The following PLA2G4A variants were observed in gnomAD, a reference collection of about 807,000 sequenced individuals.
The protein encoded by PLA2G4A is cytosolic phospholipase A2.
PLA2G4A carries 40 observed loss-of-function variants against 81.9 expected under a neutral mutation model. The ratio of observed to expected loss-of-function variants is 0.49; its 90% CI spans 0.38 to 0.64. The LOEUF (loss-of-function observed/expected upper bound fraction) is 0.64, where lower values mean the gene tolerates loss of function less well. Among genes scored for constraint, PLA2G4A ranks in the 30% least tolerant of loss-of-function variants. The probability of loss-of-function intolerance (pLI) is 0.00; values close to 1 mark genes in which losing one functional copy is unlikely to be tolerated. For missense variants in PLA2G4A, 715 were observed against 905.1 expected, an observed-to-expected ratio of 0.79 and a Z score of 2.69; for synonymous variants, 302 against 296.9, an observed-to-expected ratio of 1.02 and a Z score of -0.18.
At chr1:186,878,768 G>A (rs989742814) in intron 3 of PLA2G4A, among the ~76,000 whole-genome samples, 23 of 151,604 alleles carry the variant, frequency 1.5e-4, no homozygotes, top group Non-Finnish European at 5.9e-5. Flanking sequence ...GTTTTAGGTC[G>A]GATGAACACA....
At chr1:186,942,958 A>T (rs1446426215) in intron 10 of PLA2G4A, among the ~76,000 whole-genome samples, 3 of 152,192 alleles carry the variant, frequency 2.0e-5, no homozygotes, top group Non-Finnish European at 4.4e-5. Flanking sequence ...CCCAGATAAG[A>T]CATCTTAAGG....
At chr1:186,908,955 T>C (rs1175070563) in intron 6 of PLA2G4A, among the ~76,000 whole-genome samples, 1 of 138,134 alleles carries the variant, frequency 7.2e-6, no homozygotes, top group Non-Finnish European at 1.5e-5. Context: ...AAGATTTTAA[T>C]TTCTTTTCTT....
intron 1 of PLA2G4A, among the ~76,000 whole-genome samples, chr1:186,844,306 A>G (rs1652094148): frequency 6.6e-6 from 1 of 152,196 alleles, no homozygotes; most frequent in African/African-American, 2.4e-5. Flanking sequence ...CTCTTTGTAT[A>G]GCCTTAGTTT....
intron 3 of PLA2G4A, among the ~76,000 whole-genome samples, chr1:186,870,977 T>G (rs1653245446): frequency 6.6e-6 from 1 of 152,208 alleles, no homozygotes; most frequent in African/African-American, 2.4e-5. Flanking sequence ...ATGATTTTCT[T>G]GTGACGTACA....
At chr1:186,833,356 C>T (rs533927930) in intron 1 of PLA2G4A, among the ~76,000 whole-genome samples, 20 of 152,206 alleles carry the variant, frequency 1.3e-4, no homozygotes, top group Admixed American at 3.3e-4. Flanking sequence ...GACCACACAC[C>T]GCACTCATGC....
intron 1 of PLA2G4A, among the ~76,000 whole-genome samples, chr1:186,853,710 GAAAGT>G (rs1413347340): frequency 6.6e-6 from 1 of 151,746 alleles, no homozygotes; most frequent in Non-Finnish European, 1.5e-5. Context: ...AAGAAAAAAG[GAAAGT>G]ATAGAGAGTA....
At chr1:186,940,730 A>C (rs192149207) in intron 10 of PLA2G4A, among the ~76,000 whole-genome samples, 15 of 152,354 alleles carry the variant, frequency 9.8e-5, no homozygotes, top group Admixed American at 3.3e-4. Context: ...CAAACAGTAC[A>C]TGTCAACAAC....
intron 2 of PLA2G4A, among the ~76,000 whole-genome samples, chr1:186,867,880 A>G (rs1344857461): frequency 6.6e-6 from 1 of 151,898 alleles, no homozygotes; most frequent in Non-Finnish European, 1.5e-5. Flanking sequence ...TTCTATTTCT[A>G]GCTCACTGAA....
chr1:186,920,454 C>A (rs1276473898), intron 7 of PLA2G4A, among the ~76,000 whole-genome samples: 1 of 152,160 alleles, frequency 6.6e-6, no homozygotes, highest in Admixed American at 6.5e-5. Flanking sequence ...CAATATCGAC[C>A]AAAAACTTAA....
intron 5 of PLA2G4A, among the ~76,000 whole-genome samples, chr1:186,896,013 A>G (rs1245140624): frequency 1.3e-5 from 2 of 151,290 alleles, no homozygotes; most frequent in Non-Finnish European, 2.9e-5. Flanking sequence ...AATGTATATT[A>G]CATATGAATA....
intron 2 of PLA2G4A, among the ~76,000 whole-genome samples, chr1:186,856,180 G>A (rs1571337412): frequency 6.6e-6 from 1 of 151,830 alleles, no homozygotes; most frequent in African/African-American, 2.4e-5. Context: ...TAACAATATT[G>A]AGTCTTCCAA....
At chr1:186,982,480 C>G (rs1384258480) in intron 17 of PLA2G4A, among the ~76,000 whole-genome samples, 1 of 152,216 alleles carries the variant, frequency 6.6e-6, no homozygotes, top group African/African-American at 2.4e-5. Flanking sequence ...ATGTCCTTAT[C>G]TTGTACCCCT....
At chr1:186,961,123 A>G (rs149621015) in intron 14 of PLA2G4A, among the ~76,000 whole-genome samples, 1 of 152,246 alleles carries the variant, frequency 6.6e-6, no homozygotes, top group East Asian at 1.9e-4. Context: ...TGCAATCTAA[A>G]AAAGTTGAAC....
At chr1:186,843,397 TTC>T (rs559815355) in intron 1 of PLA2G4A, among the ~76,000 whole-genome samples, 74 of 152,358 alleles carry the variant, frequency 4.9e-4, no homozygotes, top group African/African-American at 1.7e-3. Flanking sequence ...CTAGACAGTT[TTC>T]TCCAGTACAT....
At chr1:186,977,860 C>T (rs1174068878) in intron 16 of PLA2G4A, 72 bp downstream of exon 16, 4 of 935,348 alleles carry the variant, frequency 4.3e-6, no homozygotes, top group South Asian at 1.3e-5. Context: ...TAAACTGTTT[C>T]ACTCTGTCAC....
intron 6 of PLA2G4A, among the ~76,000 whole-genome samples, chr1:186,907,601 C>T (rs143500177): frequency 6.6e-6 from 1 of 152,278 alleles, no homozygotes; most frequent in Non-Finnish European, 1.5e-5. Context: ...ATAATGAGTT[C>T]CCTTAACCTC....
intron 7 of PLA2G4A, among the ~76,000 whole-genome samples, chr1:186,912,889 G>A (rs1019902688): frequency 6.7e-6 from 1 of 148,242 alleles, no homozygotes; most frequent in East Asian, 1.9e-4. Context: ...GCATAAAGGA[G>A]TGTTGATTTT....
At position 186,956,139 on chromosome 1, in the gene PLA2G4A, T is replaced by A. The variant is rs374673337; in HGVS notation, c.1374T>A (p.Ser458Arg). Reference protein sequence around the residue: ...ENEDAGSDYQSDNQASWIHRM... With the variant: ...ENEDAGSDYQRDNQASWIHRM... The stretch of plus-strand genomic sequence containing the variant: ...AAGATGCTGGAAGTGACTATCAAAG[T>A]GATAATCAAGCAAGTTGGATTCATC... Residue 458 changes from serine (S) to arginine (R), a missense_variant, in exon 14 of 18, where the codon AGT (serine) becomes AGA (arginine). Coordinates refer to ENST00000367466, the MANE Select transcript of PLA2G4A (RefSeq NM_024420.3). 4 of 1,613,272 alleles carry A rather than the reference T, an allele frequency of 2.5e-6. No homozygotes were observed. The highest frequency in any genetic ancestry group is 3.4e-6 in the Non-Finnish European group (4 of 1,179,190).
At chr1:186,867,608 T>C (rs1653078694) in intron 2 of PLA2G4A, among the ~76,000 whole-genome samples, 1 of 152,138 alleles carries the variant, frequency 6.6e-6, no homozygotes, top group African/African-American at 2.4e-5. Flanking sequence ...TAATTGATTA[T>C]ATTGGGTTTT....
Sources: gnomAD v4.1 joint callset for allele counts (sites outside exome capture counted in the v4.1 genomes callset) on GRCh38, gnomAD v4.1.1 for gene constraint, MANE v1.5 for transcripts, NCBI Gene and HGNC (gene_info 2026-07-23, HGNC 2026-07-21) for gene names.